The following LUZP2 variants were observed in gnomAD, a reference collection of about 807,000 sequenced individuals.
The protein encoded by LUZP2 is leucine zipper protein 2.
Under a neutral mutation model 51.6 loss-of-function variants are expected in LUZP2, and 52 were observed. The ratio of observed to expected loss-of-function variants is 1.01; its 90% CI spans 0.81 to 1.27. The LOEUF (loss-of-function observed/expected upper bound fraction) is 1.27, where lower values mean the gene tolerates loss of function less well. Ranked by LOEUF, LUZP2 falls within the 50% of genes most tolerant of loss-of-function variation. The pLI is 0.00. For synonymous variants in LUZP2, 154 were observed against 137.3 expected, an observed-to-expected ratio of 1.12 and a Z score of -0.85; for missense variants, 436 against 395.4, an observed-to-expected ratio of 1.10 and a Z score of -0.87.
rs1565119619 is a variant in LUZP2, at chr11:24,926,393, GTGTATATATATATACGTGTGTA to G, written c.522+11857_522+11878del. Reference sequence around the variant, plus strand: ...TATATACGTGTGTATATATATACGTGTGTATATATATATACGTGTGTATATATATGTGTGTATATATATACGT... The same window carrying G: ...TATATACGTGTGTATATATATACGTGTATATATGTGTGTATATATATACGT... On this transcript the variant is annotated intron_variant, in intron 7 of 11. Transcript: ENST00000336930. Among the ~76,000 whole-genome samples, 67 of 131,164 alleles carry G rather than the reference GTGTATATATATATACGTGTGTA, an allele frequency of 5.1e-4. 3 individuals carry two copies. Among genetic ancestry groups the G allele is most frequent in the African/African-American group, 1.9e-3 (64 of 33,792 alleles). The allele number at this position is 131,164 out of a possible 152,430, so 86.0% of individuals were successfully genotyped here. A position where few individuals can be genotyped will look rare whatever the true frequency, so the allele number is the denominator to read the frequency against.
intron 5 of LUZP2, among the ~76,000 whole-genome samples, chr11:24,887,037 G>C (rs1484970792): frequency 6.6e-6 from 1 of 152,116 alleles, no homozygotes; most frequent in Non-Finnish European, 1.5e-5. Context: ...TTCCTCCCAT[G>C]GGAGCTGGTT....
At chr11:24,502,459 C>G (rs747628924) in intron 1 of LUZP2, among the ~76,000 whole-genome samples, 2 of 149,322 alleles carry the variant, frequency 1.3e-5, no homozygotes, top group African/African-American at 5.2e-5. Context: ...ATCTCGGCTC[C>G]CTGCAATCTC....
intron 5 of LUZP2, among the ~76,000 whole-genome samples, chr11:24,862,165 A>G (rs1851761317): frequency 6.6e-6 from 1 of 152,322 alleles, no homozygotes; most frequent in East Asian, 1.9e-4. Flanking sequence ...CAGATCACCT[A>G]TAAAGGGAAG....
intron 10 of LUZP2, among the ~76,000 whole-genome samples, chr11:25,057,275 A>G (rs967118935): frequency 6.6e-6 from 1 of 152,130 alleles, no homozygotes; most frequent in Non-Finnish European, 1.5e-5. Flanking sequence ...TTATTTTTAG[A>G]TATCTTTGTT....
At chr11:24,999,752 G>T (rs1470852318) in intron 9 of LUZP2, among the ~76,000 whole-genome samples, 1 of 152,128 alleles carries the variant, frequency 6.6e-6, no homozygotes, top group Non-Finnish European at 1.5e-5. Flanking sequence ...TCACAACCTT[G>T]TTAATTAAGT....
At chr11:24,886,246 A>G (rs1388601012) in intron 5 of LUZP2, among the ~76,000 whole-genome samples, 1 of 152,170 alleles carries the variant, frequency 6.6e-6, no homozygotes, top group Non-Finnish European at 1.5e-5. Context: ...CATGACTTGC[A>G]TATTATGTTT....
intron 9 of LUZP2, among the ~76,000 whole-genome samples, chr11:25,018,380 A>G (rs373471142): frequency 2.6e-5 from 4 of 152,080 alleles, no homozygotes; most frequent in African/African-American, 9.7e-5. Context: ...AGTTCAGCCT[A>G]CACTCAAGGG....
chr11:24,680,591 T>C (rs1856701618), intron 1 of LUZP2, among the ~76,000 whole-genome samples: 2 of 152,184 alleles, frequency 1.3e-5, no homozygotes, highest in African/African-American at 4.8e-5. Flanking sequence ...GTCTGCAGAA[T>C]TGATGAGTTA....
At chr11:24,845,465 G>A (rs1851170747) in intron 5 of LUZP2, among the ~76,000 whole-genome samples, 1 of 152,180 alleles carries the variant, frequency 6.6e-6, no homozygotes, top group African/African-American at 2.4e-5. Flanking sequence ...GCTGAAATGA[G>A]CTAAGACTTT....
At chr11:24,889,360 A>T (rs1466688879) in intron 5 of LUZP2, among the ~76,000 whole-genome samples, 1 of 152,138 alleles carries the variant, frequency 6.6e-6, no homozygotes, top group Admixed American at 6.5e-5. Flanking sequence ...CAAGGTGAGG[A>T]GGTGATGCAA....
Position 24,917,571 on chromosome 11 carries a change from G to A in LUZP2, c.522+3033G>A, listed in dbSNP as rs181747142. ...TACATATGGCTAGCCAGTTTTCCCA[G>A]CACCATTTATTAAATAGGGAATCTT... On this transcript the variant is annotated intron_variant, in intron 7 of 11. Coordinates refer to ENST00000336930, the MANE Select transcript of LUZP2 (RefSeq NM_001009909.4). Among the ~76,000 whole-genome samples, 338 of 152,222 alleles carry A rather than the reference G, an allele frequency of 2.2e-3. 2 individuals are homozygous for A. Among genetic ancestry groups the A allele is most frequent in the African/African-American group, 7.8e-3 (322 of 41,524 alleles).
intron 9 of LUZP2, among the ~76,000 whole-genome samples, chr11:25,037,491 G>A (rs1214200388): frequency 2.0e-5 from 3 of 152,072 alleles, no homozygotes; most frequent in African/African-American, 7.2e-5. Flanking sequence ...TTTTGATTCT[G>A]TCATTGTGTT....
intron 1 of LUZP2, among the ~76,000 whole-genome samples, chr11:24,707,743 T>C (rs12270221): frequency 0.072 from 10,915 of 152,250 alleles, 1,317 homozygotes; most frequent in African/African-American, 0.25. Flanking sequence ...TCACCAACAT[T>C]GGTAAGGGTT....
chr11:24,966,933 A>G (rs1294759926), intron 7 of LUZP2, among the ~76,000 whole-genome samples: 1 of 148,778 alleles, frequency 6.7e-6, no homozygotes, highest in Admixed American at 6.8e-5. Flanking sequence ...AAAATCTCCA[A>G]TTGCTTTCTC....
intron 1 of LUZP2, among the ~76,000 whole-genome samples, chr11:24,606,660 G>A (rs1320325110): frequency 1.3e-5 from 2 of 151,902 alleles, no homozygotes; most frequent in Non-Finnish European, 1.5e-5. Context: ...TCCTTTGTAT[G>A]TATGCCCAGA....
chr11:24,805,007 C>CTTT (rs71044307), intron 5 of LUZP2, among the ~76,000 whole-genome samples: 38 of 141,578 alleles, frequency 2.7e-4, no homozygotes, highest in African/African-American at 8.1e-4. Context: ...ACCCGGCTAA[C>CTTT]TTTTTTTTTT....
rs1554988302 is a variant in LUZP2, at chr11:24,769,786, C to CTTTTT, written c.396+6480_396+6484dup. 6.0e-3 allele frequency among the ~76,000 whole-genome samples: 884 copies of CTTTTT among 146,632 alleles called. 7 individuals are homozygous for CTTTTT. The highest frequency in any genetic ancestry group is 0.01 in the African/African-American group (376 of 37,498). ...GAAATAGGGAATCACACTAAATTCT[C>CTTTTT]TTTTTTGTTTGTTTGTTTTGTTTTG... On this transcript the variant is annotated intron_variant, in intron 5 of 11. Transcript: ENST00000336930.
chr11:24,678,925 G>A (rs1401201018), intron 1 of LUZP2, among the ~76,000 whole-genome samples: 1 of 152,232 alleles, frequency 6.6e-6, no homozygotes, highest in African/African-American at 2.4e-5. Flanking sequence ...AGGCATCCAA[G>A]CCTGCACCGC....
intron 1 of LUZP2, among the ~76,000 whole-genome samples, chr11:24,710,194 A>G (rs545584016): frequency 6.6e-6 from 1 of 152,248 alleles, no homozygotes; most frequent in East Asian, 1.9e-4. Context: ...AAAAATTAAC[A>G]TAAATGAGAG....
Sources: allele counts gnomAD v4.1 joint callset (sites outside exome capture counted in the v4.1 genomes callset), GRCh38; gene constraint gnomAD v4.1.1; transcripts MANE v1.5; gene names NCBI Gene and HGNC (gene_info 2026-07-23, HGNC 2026-07-21).